The following TTC28 variants were observed in gnomAD, a reference collection of about 807,000 sequenced individuals.
TTC28 encodes tetratricopeptide repeat protein 28.
In TTC28, 61 loss-of-function variants were observed where a neutral mutation model predicts 198.0. That is an observed-to-expected ratio of 0.31 (90% CI 0.25 to 0.38). TTC28 has a LOEUF of 0.38. Among genes scored for constraint, TTC28 ranks in the 10% least tolerant of loss-of-function variants. The pLI is 1.00. For missense variants in TTC28, 2,678 were observed against 3,164.0 expected, an observed-to-expected ratio of 0.85 and a Z score of 3.69; for synonymous variants, 1,171 against 1,297.8, an observed-to-expected ratio of 0.90 and a Z score of 2.10.
intron 12 of TTC28, among the ~76,000 whole-genome samples, chr22:28,089,119 A>G (rs1249820136): frequency 2.6e-5 from 4 of 152,188 alleles, no homozygotes; most frequent in Admixed American, 2.6e-4. Context: ...TTCCTCAGGG[A>G]TCTAGAACTA....
chr22:28,484,040 G>T (rs1294013119), intron 2 of TTC28, among the ~76,000 whole-genome samples: 1 of 152,146 alleles, frequency 6.6e-6, no homozygotes, highest in Non-Finnish European at 1.5e-5. Flanking sequence ...CTTGCTCTCT[G>T]AAGGCTCTGC....
intron 5 of TTC28, among the ~76,000 whole-genome samples, chr22:28,269,452 C>T (rs1016580371): frequency 1.3e-5 from 2 of 152,150 alleles, no homozygotes; most frequent in Admixed American, 1.3e-4. Context: ...TCTAGCCAGA[C>T]CTATTTAGCA....
chr22:28,453,814 C>T (rs2047819472), intron 2 of TTC28, among the ~76,000 whole-genome samples: 1 of 152,194 alleles, frequency 6.6e-6, no homozygotes, highest in South Asian at 2.1e-4. Flanking sequence ...CCAGAATGAT[C>T]TTTCTATAAA....
chr22:28,014,437 G>C, intron 13 of TTC28, 45 bp from the exon 14 acceptor site: 1 of 1,510,960 alleles, frequency 6.6e-7, no homozygotes, highest in Non-Finnish European at 8.9e-7. Context: ...CACTCAGACA[G>C]GCAAAGACTC....
At chr22:28,396,050 C>G (rs1402738812) in intron 2 of TTC28, among the ~76,000 whole-genome samples, 1 of 152,118 alleles carries the variant, frequency 6.6e-6, no homozygotes, top group African/African-American at 2.4e-5. Context: ...CAATGTTCTT[C>G]CCATTATTCC....
intron 2 of TTC28, among the ~76,000 whole-genome samples, chr22:28,448,823 C>CT (rs1377313763): frequency 2.0e-5 from 3 of 152,200 alleles, no homozygotes; most frequent in Non-Finnish European, 2.9e-5. Context: ...CACCTCTGAC[C>CT]TTACCCATCT....
At chr22:28,519,292 T>G (rs2048852658) in intron 2 of TTC28, among the ~76,000 whole-genome samples, 2 of 152,216 alleles carry the variant, frequency 1.3e-5, no homozygotes. Context: ...CTTCTGGCAC[T>G]TCAATTTTGC....
chr22:28,272,612 CTG>C (rs1357218518), intron 5 of TTC28, among the ~76,000 whole-genome samples: 2 of 152,184 alleles, frequency 1.3e-5, no homozygotes, highest in Non-Finnish European at 2.9e-5. Flanking sequence ...ACAGACTAGT[CTG>C]TAGCAGAAGA....
chr22:28,488,362 G>A (rs894802830), intron 2 of TTC28, among the ~76,000 whole-genome samples: 2 of 152,288 alleles, frequency 1.3e-5, no homozygotes, highest in Admixed American at 1.3e-4. Context: ...CCGACTGCTA[G>A]CATTTGAATA....
intron 2 of TTC28, among the ~76,000 whole-genome samples, chr22:28,404,342 T>C (rs1292151569): frequency 6.6e-6 from 1 of 152,074 alleles, no homozygotes; most frequent in Non-Finnish European, 1.5e-5. Context: ...ATGGTCTCGA[T>C]CTCCTGACCT....
chr22:28,201,972 T>C (rs73882708), intron 5 of TTC28, among the ~76,000 whole-genome samples: 2,291 of 152,204 alleles, frequency 0.015, 64 homozygotes, highest in African/African-American at 0.052. Flanking sequence ...AATAGCCTAC[T>C]ATGAGTACCC....
chr22:28,572,543 C>T (rs1353174296), intron 2 of TTC28, among the ~76,000 whole-genome samples: 1 of 151,966 alleles, frequency 6.6e-6, no homozygotes, highest in African/African-American at 2.4e-5. Context: ...CTCAGAAGAA[C>T]ACTTAGAGGA....
intron 12 of TTC28, among the ~76,000 whole-genome samples, chr22:28,071,880 C>T (rs972319526): frequency 1.3e-5 from 2 of 152,106 alleles, no homozygotes; most frequent in Admixed American, 6.5e-5. Context: ...AACTCCTCAC[C>T]GCATTAGCAT....
chr22:28,371,334 A>T (rs1177016601), intron 2 of TTC28, among the ~76,000 whole-genome samples: 1 of 146,188 alleles, frequency 6.8e-6, no homozygotes, highest in Non-Finnish European at 1.5e-5. Flanking sequence ...ACATGGCAAA[A>T]CCCCAGTACT....
intron 2 of TTC28, among the ~76,000 whole-genome samples, chr22:28,610,020 G>A (rs1436118749): frequency 6.6e-6 from 1 of 152,142 alleles, no homozygotes; most frequent in African/African-American, 2.4e-5. Flanking sequence ...GGCCACTGTG[G>A]CCAGACTGCC....
intron 12 of TTC28, among the ~76,000 whole-genome samples, chr22:28,079,127 TG>T (rs1157909318): frequency 6.6e-6 from 1 of 152,124 alleles, no homozygotes; most frequent in Non-Finnish European, 1.5e-5. Context: ...TAAGTGTGTT[TG>T]GGGAGCTTTG....
chr22:28,166,446 T>C (rs1044583966), intron 5 of TTC28, among the ~76,000 whole-genome samples: 33 of 152,162 alleles, frequency 2.2e-4, no homozygotes, highest in African/African-American at 8.0e-4. Context: ...TCAGCAAATG[T>C]AAAAGAACAC....
intron 2 of TTC28, among the ~76,000 whole-genome samples, chr22:28,457,565 C>T (rs2047880831): frequency 6.6e-6 from 1 of 152,188 alleles, no homozygotes; most frequent in Non-Finnish European, 1.5e-5. Flanking sequence ...TAGACTGTAT[C>T]TGAAAATCCC....
intron 13 of TTC28, among the ~76,000 whole-genome samples, chr22:28,027,390 C>A (rs4140571): frequency 0.59 from 90,329 of 152,146 alleles, 28,104 homozygotes; most frequent in African/African-American, 0.78. Flanking sequence ...TAGTGATTGC[C>A]GAGACCTCAA....
Sources: allele counts gnomAD v4.1 joint callset (sites outside exome capture counted in the v4.1 genomes callset), GRCh38; gene constraint gnomAD v4.1.1; transcripts MANE v1.5; gene names NCBI Gene and HGNC (gene_info 2026-07-23, HGNC 2026-07-21).